Variants in KCNB2 observed in about 807,000 individuals in gnomAD.
KCNB2 encodes delayed rectifier potassium channel protein.
KCNB2 carries 15 observed loss-of-function variants against 61.5 expected under a neutral mutation model. The observed-to-expected ratio is 0.24, with a 90% CI of 0.16 to 0.38. The LOEUF is 0.38. Ranked by LOEUF, KCNB2 falls within the 10% of genes least tolerant of loss-of-function variation. The probability of loss-of-function intolerance (pLI) is 1.00; values close to 1 mark genes in which losing one functional copy is unlikely to be tolerated. For missense variants in KCNB2, 828 were observed against 1,125.2 expected (o/e 0.74, Z 3.78); for synonymous variants, 457 against 446.0 (o/e 1.02, Z -0.31).
intron 2 of KCNB2, among the ~76,000 whole-genome samples, chr8:72,704,841 G>T (rs1398165510): frequency 2.0e-5 from 3 of 152,030 alleles, no homozygotes; most frequent in Admixed American, 2.0e-4. Context: ...CATAGTATTT[G>T]CATATAACCT....
Position 72,738,171 on chromosome 8 carries a change from C to T in KCNB2, c.579+169858C>T, listed in dbSNP as rs78530359. ...TATATGTAAGAATTGTGTATTTTCTCCTGGAAGATGATCCATAATGTCCAC... is the reference window on the plus strand; with the variant it reads ...TATATGTAAGAATTGTGTATTTTCTTCTGGAAGATGATCCATAATGTCCAC... On this transcript the variant is annotated intron_variant, in intron 2 of 2. Coordinates refer to ENST00000523207, the MANE Select transcript of KCNB2 (RefSeq NM_004770.3). Among the ~76,000 whole-genome samples, 786 of 152,250 alleles carry T rather than the reference C, an allele frequency of 5.2e-3. 8 individuals are homozygous for T. The highest frequency in any genetic ancestry group is 0.018 in the African/African-American group (759 of 41,554).
At chr8:72,710,333 A>G (rs914250232) in intron 2 of KCNB2, among the ~76,000 whole-genome samples, 1 of 152,198 alleles carries the variant, frequency 6.6e-6, no homozygotes, top group South Asian at 2.1e-4. Context: ...TATTTCTCAT[A>G]TATCATCTCT....
chr8:72,595,387 G>A (rs565355932), intron 2 of KCNB2, among the ~76,000 whole-genome samples: 1 of 148,624 alleles, frequency 6.7e-6, no homozygotes, highest in South Asian at 2.1e-4. Flanking sequence ...GTGCAGTGGC[G>A]TGATCTTGGC....
At chr8:72,627,250 T>A (rs1157684965) in intron 2 of KCNB2, among the ~76,000 whole-genome samples, 2 of 152,202 alleles carry the variant, frequency 1.3e-5, no homozygotes, top group Non-Finnish European at 2.9e-5. Flanking sequence ...TTGCAAATGC[T>A]GAATCTTCTT....
chr8:72,827,413 C>T (rs1809613504), intron 2 of KCNB2, among the ~76,000 whole-genome samples: 1 of 151,956 alleles, frequency 6.6e-6, no homozygotes, highest in African/African-American at 2.4e-5. Context: ...AAAATTCCAA[C>T]CAAAACATTT....
At chr8:72,692,616 C>T (rs944932511) in intron 2 of KCNB2, among the ~76,000 whole-genome samples, 10 of 152,096 alleles carry the variant, frequency 6.6e-5, no homozygotes, top group Non-Finnish European at 1.2e-4. Flanking sequence ...CACCAAACTA[C>T]TCCCCACAAA....
chr8:72,574,973 T>A (rs1458321098), intron 2 of KCNB2, among the ~76,000 whole-genome samples: 6 of 152,206 alleles, frequency 3.9e-5, no homozygotes, highest in Non-Finnish European at 8.8e-5. Context: ...TGATTAGGTG[T>A]TCTTATCTGA....
At chr8:72,688,560 A>T (rs886750488) in intron 2 of KCNB2, among the ~76,000 whole-genome samples, 1 of 152,182 alleles carries the variant, frequency 6.6e-6, no homozygotes, top group Non-Finnish European at 1.5e-5. Context: ...CCACTGCACC[A>T]TAAGTTTCTT....
intron 2 of KCNB2, among the ~76,000 whole-genome samples, chr8:72,766,965 A>G (rs574415907): frequency 1.3e-5 from 2 of 152,144 alleles, no homozygotes; most frequent in East Asian, 3.9e-4. Flanking sequence ...CACTTCTTAC[A>G]TGGCAGCAGC....
At chr8:72,696,132 C>T (rs1210764330) in intron 2 of KCNB2, among the ~76,000 whole-genome samples, 2 of 152,172 alleles carry the variant, frequency 1.3e-5, no homozygotes, top group African/African-American at 4.8e-5. Flanking sequence ...TGAAGTTTCC[C>T]TCCTTGCTTT....
chr8:72,717,422 G>T (rs1406043019), intron 2 of KCNB2, among the ~76,000 whole-genome samples: 1 of 150,922 alleles, frequency 6.6e-6, no homozygotes, highest in Non-Finnish European at 1.5e-5. Context: ...ATACTACAAG[G>T]CTACAGTAAC....
chr8:72,749,540 G>A (rs1808147153), intron 2 of KCNB2: 2 of 151,608 alleles, frequency 1.3e-5, no homozygotes, highest in Admixed American at 1.3e-4. Flanking sequence ...GCCCATCTCA[G>A]CAAAGGAACA....
At chr8:72,702,339 A>G (rs1295751652) in intron 2 of KCNB2, among the ~76,000 whole-genome samples, 1 of 152,160 alleles carries the variant, frequency 6.6e-6, no homozygotes, top group Non-Finnish European at 1.5e-5. Context: ...ACCAAGACAT[A>G]GAGGAGTTTC....
chr8:72,674,786 T>A (rs1175228312), intron 2 of KCNB2, among the ~76,000 whole-genome samples: 1 of 152,188 alleles, frequency 6.6e-6, no homozygotes, highest in East Asian at 1.9e-4. Context: ...GCAATGAAAT[T>A]GTGCTGGAAG....
intron 2 of KCNB2, among the ~76,000 whole-genome samples, chr8:72,690,602 AC>A (rs1225222857): frequency 1.3e-5 from 2 of 152,204 alleles, no homozygotes; most frequent in Non-Finnish European, 2.9e-5. Context: ...CTTGGCTAGG[AC>A]CATCATTTCT....
chr8:72,688,361 G>A (rs891889107), intron 2 of KCNB2, among the ~76,000 whole-genome samples: 1 of 152,054 alleles, frequency 6.6e-6, no homozygotes, highest in Non-Finnish European at 1.5e-5. Flanking sequence ...GCATCAAGCT[G>A]TTTCATCCCT....
At chr8:72,619,308 G>A (rs1805676578) in intron 2 of KCNB2, 2 of 615,100 alleles carry the variant, frequency 3.3e-6, no homozygotes, top group Admixed American at 1.9e-5. Context: ...ATTGGCAGGG[G>A]AAAAGTTCAC....
At chr8:72,781,962 A>T (rs1025939286) in intron 2 of KCNB2, among the ~76,000 whole-genome samples, 8 of 146,970 alleles carry the variant, frequency 5.4e-5, no homozygotes, top group African/African-American at 1.9e-4. Flanking sequence ...AATCTGTGGC[A>T]GCTGGGGAGA....
intron 2 of KCNB2, among the ~76,000 whole-genome samples, chr8:72,773,639 C>T (rs569683595): frequency 3.9e-5 from 6 of 152,272 alleles, no homozygotes; most frequent in South Asian, 4.1e-4. Context: ...AAAGTCTGCC[C>T]AAGCTGTTTT....
Sources: allele counts gnomAD v4.1 joint callset (sites outside exome capture counted in the v4.1 genomes callset), GRCh38; gene constraint gnomAD v4.1.1; transcripts MANE v1.5; gene names NCBI Gene and HGNC (gene_info 2026-07-23, HGNC 2026-07-21).